The following SEMA5B variants were observed in gnomAD, a reference collection of about 807,000 sequenced individuals.
SEMA5B encodes the protein semaphorin 5B, also known as semaphorin-5B.
In SEMA5B, 66 loss-of-function variants were observed where a neutral mutation model predicts 135.0. The ratio of observed to expected loss-of-function variants is 0.49; its 90% CI spans 0.40 to 0.60. The LOEUF is 0.60. Ranked by LOEUF, SEMA5B falls within the 20% of genes least tolerant of loss-of-function variation. The probability of loss-of-function intolerance (pLI) is 0.00; values close to 1 mark genes in which losing one functional copy is unlikely to be tolerated. For synonymous variants in SEMA5B, 690 were observed against 639.5 expected (o/e 1.08, Z -1.19); for missense variants, 1,501 against 1,566.3 (o/e 0.96, Z 0.70).
chr3:123,020,280 T>C (rs1435877408), intron 1 of SEMA5B, among the ~76,000 whole-genome samples: 1 of 152,160 alleles, frequency 6.6e-6, no homozygotes, highest in Non-Finnish European at 1.5e-5. Context: ...GTAGGATACT[T>C]AGGAAGGGGG....
Position 122,913,654 on chromosome 3 carries a change from C to G in SEMA5B, c.2160G>C (p.Pro720=), listed in dbSNP as rs755985969. ...ERFCNENTPC[P]VPIFWASWGS... is the part of the protein sequence containing the mutation. ...CCCAGGAAGCCCAGAAGATGGGCACCGGGCAAGGCGTGTTCTCATTACAGA... is the reference window on the plus strand; with the variant it reads ...CCCAGGAAGCCCAGAAGATGGGCACGGGGCAAGGCGTGTTCTCATTACAGA... The change falls in exon 16 of 23, where the codon CCG becomes CCC. Residue 720 remains proline, a synonymous_variant. Transcript: ENST00000357599. 7 of 1,613,664 alleles carry G rather than the reference C, an allele frequency of 4.3e-6. No homozygotes were observed. In the South Asian group the frequency reaches 5.5e-5, roughly 13 times the overall value.
chr3:122,914,948 C>T (rs1937987312), intron 14 of SEMA5B, among the ~76,000 whole-genome samples: 1 of 143,806 alleles, frequency 7.0e-6, no homozygotes. Flanking sequence ...CCCCAGGTAC[C>T]AGGCACTGTG....
chr3:123,000,139 C>T (rs1411065431), intron 1 of SEMA5B, among the ~76,000 whole-genome samples: 1 of 152,278 alleles, frequency 6.6e-6, no homozygotes, highest in East Asian at 1.9e-4. Flanking sequence ...ACCCAGGAGG[C>T]GGAGGTTGCA....
chr3:122,999,331 A>T (rs1378077560), intron 1 of SEMA5B, among the ~76,000 whole-genome samples: 2 of 151,888 alleles, frequency 1.3e-5, no homozygotes, highest in Non-Finnish European at 2.9e-5. Context: ...GGTTCAAGCG[A>T]TTCTCGTTAC....
intron 3 of SEMA5B, among the ~76,000 whole-genome samples, chr3:122,947,901 G>GTT (rs71621699): frequency 4.6e-5 from 7 of 150,880 alleles, no homozygotes; most frequent in South Asian, 2.1e-4. Context: ...GTTTTGTTTT[G>GTT]TTTTTTTTTA....
rs1941698019 is a variant in SEMA5B, at chr3:122,986,478, T to C, written c.-38-25177A>G. Among the ~76,000 whole-genome samples, 4 of 152,284 alleles carry C rather than the reference T, an allele frequency of 2.6e-5. No individual in the cohort carries two copies. The South Asian group carries it at 8.3e-4, about 32-fold the overall frequency. ...TAATATTTGAAAAACAAATGATCTCTTTTCCCTGTGCATCCAAAGAATGTT... is the reference window on the plus strand; with the variant it reads ...TAATATTTGAAAAACAAATGATCTCCTTTCCCTGTGCATCCAAAGAATGTT... On this transcript the variant is annotated intron_variant, in intron 1 of 22. Coordinates refer to ENST00000357599, the MANE Select transcript of SEMA5B (RefSeq NM_001031702.4).
chr3:122,935,895 G>T (rs771485735), intron 5 of SEMA5B, among the ~76,000 whole-genome samples: 2 of 151,580 alleles, frequency 1.3e-5, no homozygotes, highest in Non-Finnish European at 2.9e-5. Flanking sequence ...GTTTCACCAC[G>T]TTGGCCAGGC....
chr3:123,003,840 A>G (rs900737491), intron 1 of SEMA5B, among the ~76,000 whole-genome samples: 5 of 151,758 alleles, frequency 3.3e-5, no homozygotes, highest in African/African-American at 1.2e-4. Context: ...ATCTCAATAA[A>G]TAAATAAATA....
At chr3:122,931,650 T>G (rs1190011562) in intron 5 of SEMA5B, among the ~76,000 whole-genome samples, 1 of 152,250 alleles carries the variant, frequency 6.6e-6, no homozygotes, top group African/African-American at 2.4e-5. Flanking sequence ...TTTTTAGAGT[T>G]GTCAGTGCTC....
intron 9 of SEMA5B, 106 bp from the exon 10 acceptor site, chr3:122,923,858 C>T (rs2107643905): frequency 1.5e-6 from 2 of 1,297,762 alleles, no homozygotes; most frequent in Non-Finnish European, 2.2e-6. Flanking sequence ...GCTCTGTAAG[C>T]ATCTATGATG....
intron 11 of SEMA5B, 27 bp from the exon 12 acceptor site, chr3:122,922,149 G>C: frequency 6.5e-7 from 1 of 1,541,898 alleles, no homozygotes; most frequent in Non-Finnish European, 8.8e-7. Flanking sequence ...GCCAGACCAA[G>C]GTGGCCTTGA....
At chr3:122,983,029 C>T (rs975547388) in intron 1 of SEMA5B, among the ~76,000 whole-genome samples, 1 of 151,602 alleles carries the variant, frequency 6.6e-6, no homozygotes, top group Non-Finnish European at 1.5e-5. Flanking sequence ...TTAGAGACAC[C>T]AGGCCGACCC....
At chr3:122,989,808 C>CAGAGAAAA (rs1941821031) in intron 1 of SEMA5B, among the ~76,000 whole-genome samples, 1 of 152,132 alleles carries the variant, frequency 6.6e-6, no homozygotes, top group East Asian at 1.9e-4. Flanking sequence ...AATTGGTTCC[C>CAGAGAAAA]TGGGGGAGTA....
At chr3:122,928,674 T>A in intron 6 of SEMA5B, 59 bp from the exon 7 acceptor site, 1 of 1,229,038 alleles carries the variant, frequency 8.1e-7, no homozygotes, top group Non-Finnish European at 1.2e-6. Flanking sequence ...GCTGGATATC[T>A]CACGCTCACA....
chr3:122,941,645 G>T (rs565384052), intron 4 of SEMA5B, among the ~76,000 whole-genome samples: 4 of 152,258 alleles, frequency 2.6e-5, no homozygotes, highest in African/African-American at 9.6e-5. Flanking sequence ...CTGGCACATG[G>T]CCGGTGCGGA....
chr3:122,981,311 G>A (rs1941515174), intron 1 of SEMA5B, among the ~76,000 whole-genome samples: 2 of 152,216 alleles, frequency 1.3e-5, no homozygotes, highest in South Asian at 2.1e-4. Flanking sequence ...CACAGGTGAT[G>A]CTGAGGTAGG....
Position 122,911,509 on chromosome 3 carries a change from C to T in SEMA5B, c.3073G>A (p.Glu1025Lys), listed in dbSNP as rs1286269772. Residue 1025 changes from glutamate to lysine, a missense_variant, in exon 21 of 23, where the codon GAG (glutamate) becomes AAG (lysine). Glu to Lys is a moderately conservative substitution (Grantham distance 56, BLOSUM62 1). Coordinates refer to ENST00000357599, the MANE Select transcript of SEMA5B (RefSeq NM_001031702.4). ...PVILPASSMEEATDCAGFNLI... is the reference protein window; with the variant it reads ...PVILPASSMEKATDCAGFNLI... ...CTTTTACCTGCACAGTCGGTGGCCT[C>T]CTCCATGCTGGAGGCTGGCAGGATG... is the stretch of plus-strand genomic sequence containing the variant. 1.2e-6 allele frequency: 2 copies of T among 1,610,308 alleles called. No individual in the cohort carries two copies. The highest frequency in any genetic ancestry group is 1.3e-5 in the African/African-American group (1 of 75,026).
chr3:122,961,140 C>G lies in SEMA5B; in HGVS notation c.124G>C (p.Gly42Arg). The G allele has an allele frequency of 6.2e-7, 1 of 1,610,554 alleles. No individual in the cohort carries two copies. The highest frequency in any genetic ancestry group is 8.5e-7 in the Non-Finnish European group (1 of 1,178,022). The change falls in exon 2 of 23, where the codon GGT (glycine) becomes CGT (arginine). Residue 42 changes from glycine (G) to arginine (R), a missense_variant and splice_region_variant. Transcript: ENST00000357599. ...CCCACACTCCCCTGGGCACACTTACCCCTGACCAGTGAGAGAAGCCAGCCC... is the reference window on the plus strand; with the variant it reads ...CCCACACTCCCCTGGGCACACTTACGCCTGACCAGTGAGAGAAGCCAGCCC... ...VGGWLLSLVR[G>R]LLPCLPPGAR...
chr3:122,968,584 T>C (rs1309363508), intron 1 of SEMA5B, among the ~76,000 whole-genome samples: 1 of 152,172 alleles, frequency 6.6e-6, no homozygotes, highest in Non-Finnish European at 1.5e-5. Flanking sequence ...TGGAAATACA[T>C]TTCTTTCCAG....
Sources: allele counts gnomAD v4.1 joint callset (sites outside exome capture counted in the v4.1 genomes callset), GRCh38; gene constraint gnomAD v4.1.1; transcripts MANE v1.5; gene names NCBI Gene and HGNC (gene_info 2026-07-23, HGNC 2026-07-21).